The following INPP5D variants were observed in gnomAD, a reference collection of about 807,000 sequenced individuals.
The protein encoded by INPP5D is phosphatidylinositol 3,4,5-trisphosphate 5-phosphatase 1.
Under a neutral mutation model 122.9 loss-of-function variants are expected in INPP5D, and 33 were observed. That is an observed-to-expected ratio of 0.27 (90% confidence interval 0.20 to 0.36). INPP5D has a LOEUF of 0.36. INPP5D is among the 10% of genes least tolerant of loss of function. The pLI is 1.00. For missense variants in INPP5D, 1,053 were observed against 1,412.7 expected (o/e 0.75, Z 4.08); for synonymous variants, 584 against 576.2 (o/e 1.01, Z -0.19).
intron 1 of INPP5D, among the ~76,000 whole-genome samples, chr2:233,061,973 G>T (rs544504395): frequency 6.6e-6 from 1 of 152,380 alleles, no homozygotes; most frequent in African/African-American, 2.4e-5. Context: ...ACAGTCTGCA[G>T]CCCCACCTCC....
At position 233,184,541 on chromosome 2, in the gene INPP5D, C is replaced by A; in HGVS notation, c.2275+20C>A. The A allele has an allele frequency of 6.2e-7, 1 of 1,613,694 alleles. No individual in the cohort carries two copies. Among genetic ancestry groups the A allele is most frequent in the Non-Finnish European group, 8.5e-7 (1 of 1,179,750 alleles). On this transcript the variant is annotated intron_variant, in intron 20 of 26. Transcript: ENST00000445964. ...TGGAGAGTAAGTGGCTGCTGAGCCA[C>A]CTTCTGGGCAGAACTGCCCGGAGCC...
At chr2:233,104,316 T>C (rs926936740) in intron 2 of INPP5D, among the ~76,000 whole-genome samples, 2 of 152,238 alleles carry the variant, frequency 1.3e-5, no homozygotes, top group African/African-American at 4.8e-5. Flanking sequence ...TAAGTGAAGC[T>C]GTTTGAGTAC....
At chr2:233,108,940 T>A (rs966216281) in intron 2 of INPP5D, among the ~76,000 whole-genome samples, 7 of 152,212 alleles carry the variant, frequency 4.6e-5, no homozygotes, top group African/African-American at 1.7e-4. Context: ...CCCTGCCCAG[T>A]GCTAGGCTTT....
intron 18 of INPP5D, among the ~76,000 whole-genome samples, chr2:233,180,718 T>C (rs551673043): frequency 2.0e-5 from 3 of 152,196 alleles, no homozygotes; most frequent in South Asian, 4.1e-4. Flanking sequence ...TTTGTATTTT[T>C]AGTAGAGACG....
At chr2:233,077,009 T>G (rs531313509) in intron 1 of INPP5D, among the ~76,000 whole-genome samples, 3 of 152,352 alleles carry the variant, frequency 2.0e-5, no homozygotes, top group African/African-American at 7.2e-5. Flanking sequence ...AGCTGTCACC[T>G]TCTAGTGATT....
chr2:233,136,678 G>A (rs969236025), intron 5 of INPP5D, among the ~76,000 whole-genome samples: 2 of 152,128 alleles, frequency 1.3e-5, no homozygotes, highest in Admixed American at 6.6e-5. Flanking sequence ...TGTTCCAGGA[G>A]CTGGAAATAC....
At chr2:233,090,412 G>C (rs142577560) in intron 2 of INPP5D, among the ~76,000 whole-genome samples, 51 of 152,276 alleles carry the variant, frequency 3.3e-4, no homozygotes, top group African/African-American at 1.1e-3. Flanking sequence ...AAGAGACCCT[G>C]CCAGGCTGGT....
At chr2:233,194,416 C>A (rs1695129720) in intron 23 of INPP5D, among the ~76,000 whole-genome samples, 1 of 151,860 alleles carries the variant, frequency 6.6e-6, no homozygotes, top group African/African-American at 2.4e-5. Flanking sequence ...CTCCCATATA[C>A]AAACAGGCCC....
rs35819628 is a variant in INPP5D, at chr2:233,137,453, C to CTT, written c.666-2374_666-2373dup. Among the ~76,000 whole-genome samples, 358 of 136,680 alleles carry CTT rather than the reference C, an allele frequency of 2.6e-3. 3 individuals carry two copies. Among genetic ancestry groups the CTT allele is most frequent in the Middle Eastern group, 7.8e-3 (2 of 256 alleles). The allele number at this position is 136,680 out of a possible 152,430, so 89.7% of individuals were successfully genotyped here. A position where few individuals can be genotyped will look rare whatever the true frequency, so the allele number is the denominator to read the frequency against. ...GAAACATTAAAATCATTCCATTAAACTTTTTTTTTTTTTTTTATGAGATGG... is the reference window on the plus strand; with the variant it reads ...GAAACATTAAAATCATTCCATTAAACTTTTTTTTTTTTTTTTTTATGAGATGG... On this transcript the variant is annotated intron_variant, in intron 5 of 26. Coordinates refer to ENST00000445964, the MANE Select transcript of INPP5D (RefSeq NM_001017915.3).
chr2:233,185,825 C>T lies in INPP5D; in HGVS notation c.2276-18C>T. On this transcript the variant is annotated intron_variant, in intron 20 of 26. Transcript: ENST00000445964. ...CTTGCTCTGTTTTCTGAAAACCAGC[C>T]TTTTTGTCCTCCAACAGGTTTTGTC... 6.3e-7 allele frequency: 1 copy of T among 1,586,460 alleles called. No individual in the cohort carries two copies. The highest frequency in any genetic ancestry group is 8.6e-7 in the Non-Finnish European group (1 of 1,165,926).
At chr2:233,129,112 G>A (rs2106262702) in intron 4 of INPP5D, among the ~76,000 whole-genome samples, 1 of 152,172 alleles carries the variant, frequency 6.6e-6, no homozygotes, top group Non-Finnish European at 1.5e-5. Flanking sequence ...GTTGCAGTGA[G>A]CCGAGATCTT....
At chr2:233,098,978 G>T (rs1046395060) in intron 2 of INPP5D, among the ~76,000 whole-genome samples, 2 of 59,844 alleles carry the variant, frequency 3.3e-5, no homozygotes, top group Non-Finnish European at 8.5e-5. Flanking sequence ...TTGAGACAGA[G>T]TCTCACTCTG....
intron 4 of INPP5D, among the ~76,000 whole-genome samples, chr2:233,129,173 T>A (rs190151326): frequency 2.1e-3 from 324 of 151,826 alleles, no homozygotes; most frequent in African/African-American, 6.5e-3. Context: ...CTCAAAAAAA[T>A]AAATAAATAA....
intron 1 of INPP5D, among the ~76,000 whole-genome samples, chr2:233,066,651 G>A (rs1243571810): frequency 2.0e-5 from 3 of 152,158 alleles, no homozygotes; most frequent in South Asian, 4.1e-4. Flanking sequence ...CTGTTGCCCA[G>A]GCTGGAGTGC....
In INPP5D at chr2:233,189,770, C is replaced by T; in HGVS notation, c.2359-80C>T. On this transcript the variant is annotated intron_variant, in intron 21 of 26. Coordinates refer to ENST00000445964, the MANE Select transcript of INPP5D (RefSeq NM_001017915.3). The surrounding 1 kb of genome is among the most constrained non-coding windows in gnomAD (Gnocchi z 5.6). ...GATTACTAAGAACACCTTTCGTCAT[C>T]TTCATCCACTTGTCCACCCACCTGT... The T allele has an allele frequency of 1.3e-6, 2 of 1,564,774 alleles. No homozygotes were observed. Among genetic ancestry groups the T allele is most frequent in the South Asian group, 1.2e-5 (1 of 83,724 alleles).
At chr2:233,130,346 C>A (rs1423332883) in intron 4 of INPP5D, among the ~76,000 whole-genome samples, 162 bp from the exon 5 acceptor site, 2 of 152,208 alleles carry the variant, frequency 1.3e-5, no homozygotes, top group Non-Finnish European at 2.9e-5. Flanking sequence ...ATCAGTGAGA[C>A]CACGGGAACC....
Position 233,122,176 on chromosome 2 carries a change from A to G in INPP5D, c.268A>G (p.Asn90Asp). The G allele has an allele frequency of 1.2e-6, 2 of 1,613,954 alleles. No homozygotes were observed. Among genetic ancestry groups the G allele is most frequent in the Non-Finnish European group, 1.7e-6 (2 of 1,179,876 alleles). The change falls in exon 3 of 27, where the codon AAC becomes GAC. Residue 90 changes from asparagine to aspartate, a missense_variant. By Grantham distance (23) the Asn-to-Asp change is conservative. Coordinates refer to ENST00000445964, the MANE Select transcript of INPP5D (RefSeq NM_001017915.3). ...GCTCATCGAGTTTTACAAGAAGGAAAACATGGGGCTGGTGACCCATCTGCA... is the reference window on the plus strand; with the variant it reads ...GCTCATCGAGTTTTACAAGAAGGAAGACATGGGGCTGGTGACCCATCTGCA... ...DQLIEFYKKE[N>D]MGLVTHLQYP...
At position 233,164,063 on chromosome 2, in the gene INPP5D, G is replaced by C; in HGVS notation, c.1437+160G>C. 7.2e-7 allele frequency: 1 copy of C among 1,394,186 alleles called. No individual in the cohort carries two copies. Among genetic ancestry groups the C allele is most frequent in the Non-Finnish European group, 9.4e-7 (1 of 1,058,330 alleles). 86.4% of individuals were successfully genotyped at this position (1,394,186 alleles called of 1,614,324 possible). A position where few individuals can be genotyped will look rare whatever the true frequency, so the allele number is the denominator to read the frequency against. On this transcript the variant is annotated intron_variant, in intron 12 of 26. Transcript: ENST00000445964. The surrounding 1 kb of genome is among the most constrained non-coding windows in gnomAD (Gnocchi z 4.3). ...TGCGTCTGTATTCAGAAATAAATGGGATCTGTGGGGTATTGCTGAAAACCA... is the reference window on the plus strand; with the variant it reads ...TGCGTCTGTATTCAGAAATAAATGGCATCTGTGGGGTATTGCTGAAAACCA...
chr2:233,164,473 TCTCG>T lies in INPP5D; in HGVS notation c.1555+51_1555+54del. On this transcript the variant is annotated intron_variant, in intron 13 of 26. Coordinates refer to ENST00000445964, the MANE Select transcript of INPP5D (RefSeq NM_001017915.3). The surrounding 1 kb of genome is among the most constrained non-coding windows in gnomAD (Gnocchi z 4.3). ...TTCCTCCCACACCCTCTGCCTCAAC[TCTCG>T]CGACCACATCATCCTGATCCCACCA... is the stretch of plus-strand genomic sequence containing the variant. 1 of 1,498,018 alleles carries T rather than the reference TCTCG, an allele frequency of 6.7e-7. No individual in the cohort carries two copies. Among genetic ancestry groups the T allele is most frequent in the Non-Finnish European group, 9.0e-7 (1 of 1,114,556 alleles). 92.8% of individuals were successfully genotyped at this position (1,498,018 alleles called of 1,614,324 possible).
Sources: gnomAD v4.1 joint callset for allele counts (sites outside exome capture counted in the v4.1 genomes callset) on GRCh38, gnomAD v4.1.1 for gene constraint, Gnocchi (gnomAD v3.1) non-coding constraint, MANE v1.5 for transcripts, NCBI Gene and HGNC (gene_info 2026-07-23, HGNC 2026-07-21) for gene names.